DMD: variants seen among roughly 807,000 people sequenced by gnomAD.
DMD encodes dystrophin, also known as mutant dystrophin.
A neutral mutation model predicts 330.1 loss-of-function variants in DMD; 63 were observed. The observed-to-expected ratio is 0.19, with a 90% CI of 0.16 to 0.24. The LOEUF is 0.24. DMD is among the 10% of genes least tolerant of loss of function. The pLI is 1.00. For missense variants in DMD, 3,344 were observed against 2,684.1 expected (o/e 1.25, Z -5.43); for synonymous variants, 1,223 against 959.8 (o/e 1.27, Z -5.07).
At chrX:31,168,594 TG>T (rs1422969517) in intron 74 of DMD, among the ~76,000 whole-genome samples, 1 of 111,902 alleles carries the variant, frequency 8.9e-6, no homozygotes, top group Non-Finnish European at 1.9e-5. Flanking sequence ...TAAGAGCTTT[TG>T]GTGCCTTGGG....
At chrX:32,233,599 T>A (rs12689597) in intron 43 of DMD, among the ~76,000 whole-genome samples, 2,144 of 87,933 alleles carry the variant, frequency 0.024, 51 homozygotes, top group East Asian at 0.2. Flanking sequence ...TTTCTTTTTC[T>A]TTTATTTATT....
intron 48 of DMD, among the ~76,000 whole-genome samples, chrX:31,860,110 A>C (rs1320214037): frequency 1.8e-5 from 2 of 111,950 alleles, no homozygotes; most frequent in East Asian, 5.6e-4. Flanking sequence ...ATAAAAAAAA[A>C]AAACTGATAG....
intron 7 of DMD, among the ~76,000 whole-genome samples, chrX:32,768,118 AAT>A (rs1339998012): frequency 8.9e-6 from 1 of 112,180 alleles, no homozygotes; most frequent in Non-Finnish European, 1.9e-5. Flanking sequence ...ATACCAGTAG[AAT>A]ATGACAGTTT....
intron 9 of DMD, among the ~76,000 whole-genome samples, chrX:32,649,515 C>T (rs2059996701): frequency 1.0e-5 from 1 of 99,889 alleles, no homozygotes; most frequent in South Asian, 4.7e-4. Flanking sequence ...GAGAAAGCGC[C>T]ACTGCACTCC....
rs773075306 is a variant in DMD at position 31,878,120 on chromosome X, TC to T, written c.6913-2748del. Reference sequence around the variant, plus strand: ...TTCCTTGTAATAGAGGTAAAACAATTCCTGACAGAAAACAGTGTAATGGGTC... The same window carrying T: ...TTCCTTGTAATAGAGGTAAAACAATTCTGACAGAAAACAGTGTAATGGGTC... On this transcript the variant is annotated intron_variant, in intron 47 of 78. Transcript: ENST00000357033. Among the ~76,000 whole-genome samples, 35 of 111,869 alleles carry T rather than the reference TC, an allele frequency of 3.1e-4. No individual in the cohort carries two copies. The South Asian group carries it at 0.013, about 40-fold the overall frequency.
chrX:31,816,712 C>G (rs1304982367), intron 50 of DMD, among the ~76,000 whole-genome samples: 1 of 107,105 alleles, frequency 9.3e-6, no homozygotes, highest in Non-Finnish European at 1.9e-5. Flanking sequence ...GCAGGAGAAT[C>G]GCTTGAACCT....
intron 1 of DMD, among the ~76,000 whole-genome samples, chrX:33,096,501 C>CT (rs752228692): frequency 0.01 from 972 of 93,657 alleles, 20 homozygotes; most frequent in Non-Finnish European, 0.016. Flanking sequence ...TTGGAGACGA[C>CT]TTTTTTTTTT....
intron 1 of DMD, among the ~76,000 whole-genome samples, chrX:33,146,760 A>G (rs923897834): frequency 3.6e-5 from 4 of 112,054 alleles, no homozygotes; most frequent in East Asian, 2.8e-4. Flanking sequence ...TTAGTCCTCA[A>G]TAAGTAAGGA....
intron 45 of DMD, among the ~76,000 whole-genome samples, chrX:31,940,259 T>A (rs2094977494): frequency 9.0e-6 from 1 of 111,613 alleles, no homozygotes; most frequent in South Asian, 3.7e-4. Flanking sequence ...GAAGGAGACA[T>A]TTGAGCAAAG....
At chrX:33,211,551 C>T (rs1403583534), upstream of DMD, 2 of 1,037,583 alleles carry the variant, frequency 1.9e-6, no homozygotes, top group East Asian at 7.5e-5. Context: ...GTAACTGATG[C>T]CAGGATTCTG....
intron 16 of DMD, among the ~76,000 whole-genome samples, chrX:32,559,087 A>G (rs1187192620): frequency 9.2e-6 from 1 of 108,612 alleles, no homozygotes; most frequent in African/African-American, 3.4e-5. Context: ...AGTAGCTGCA[A>G]TTACAAGCGC....
chrX:32,034,847 A>T (rs73454009), intron 44 of DMD, among the ~76,000 whole-genome samples: 5,947 of 112,081 alleles, frequency 0.053, 144 homozygotes, highest in African/African-American at 0.069. Flanking sequence ...AAAGAAGCCT[A>T]GTAAATAGAA....
At chrX:33,098,755 C>T (rs898302837) in intron 1 of DMD, among the ~76,000 whole-genome samples, 1 of 111,409 alleles carries the variant, frequency 9.0e-6, no homozygotes, top group Non-Finnish European at 1.9e-5. Flanking sequence ...GAGAGTACAC[C>T]GAACAAAGGA....
intron 44 of DMD, among the ~76,000 whole-genome samples, chrX:32,121,652 T>TATATGC: frequency 1.2e-5 from 1 of 86,796 alleles, no homozygotes; most frequent in Non-Finnish European, 2.2e-5. Flanking sequence ...TATATATATA[T>TATATGC]ATATATATAT....
Position 32,250,553 on chromosome X carries a change from A to G in DMD, c.6291-33490T>C, listed in dbSNP as rs746857082. Among the ~76,000 whole-genome samples, 12 of 112,139 alleles carry G rather than the reference A, an allele frequency of 1.1e-4. 1 individual carries two copies. Among genetic ancestry groups the G allele is most frequent in the African/African-American group, 3.6e-4 (11 of 30,863 alleles). ...GAGCTCTTGTTTCCTCTGACACAAAACATTTTTCTTGGTACACAGTTCTGC... is the reference window on the plus strand; with the variant it reads ...GAGCTCTTGTTTCCTCTGACACAAAGCATTTTTCTTGGTACACAGTTCTGC... On this transcript the variant is annotated intron_variant, in intron 43 of 78. Coordinates refer to ENST00000357033, the MANE Select transcript of DMD (RefSeq NM_004006.3).
chrX:32,999,155 GA>G (rs2093208040), intron 2 of DMD, among the ~76,000 whole-genome samples: 1 of 112,644 alleles, frequency 8.9e-6, no homozygotes, highest in Middle Eastern at 4.6e-3. Context: ...TAGCAGTAGG[GA>G]AAATTTTGGA....
intron 44 of DMD, among the ~76,000 whole-genome samples, chrX:32,192,886 A>G (rs192000609): frequency 8.9e-6 from 1 of 112,237 alleles, no homozygotes; most frequent in African/African-American, 3.2e-5. Flanking sequence ...AAACATGGAT[A>G]TCATTTGGAT....
At chrX:32,828,538 T>A (rs752431321) in intron 4 of DMD, among the ~76,000 whole-genome samples, 32 of 109,497 alleles carry the variant, frequency 2.9e-4, no homozygotes, top group Non-Finnish European at 5.1e-4. Flanking sequence ...TATAGACATA[T>A]CTATACAAGT....
chrX:32,864,055 T>A (rs1244495577), intron 2 of DMD, among the ~76,000 whole-genome samples: 1 of 112,704 alleles, frequency 8.9e-6, no homozygotes, highest in Admixed American at 9.4e-5. Context: ...ACTGCTATGC[T>A]TTATTTCCTT....
Sources: allele counts gnomAD v4.1 joint callset (sites outside exome capture counted in the v4.1 genomes callset), GRCh38; gene constraint gnomAD v4.1.1; transcripts MANE v1.5; gene names NCBI Gene and HGNC (gene_info 2026-07-23, HGNC 2026-07-21).